The following TBCK variants were observed in gnomAD, a reference collection of about 807,000 sequenced individuals.
The protein encoded by TBCK is TBC domain-containing protein kinase-like protein.
Under a neutral mutation model 113.4 loss-of-function variants are expected in TBCK, and 99 were observed. That is an observed-to-expected ratio of 0.87 (90% CI 0.74 to 1.03). The LOEUF (loss-of-function observed/expected upper bound fraction) is 1.03. TBCK is among the 50% of genes least tolerant of loss of function. TBCK has a pLI of 0.00. For synonymous variants in TBCK, 369 were observed against 370.8 expected (o/e 1.00, Z 0.05); for missense variants, 1,045 against 1,061.3 (o/e 0.98, Z 0.21).
chr4:106,314,007 A>T (rs2125908976), intron 1 of TBCK, among the ~76,000 whole-genome samples: 1 of 152,346 alleles, frequency 6.6e-6, no homozygotes, highest in Non-Finnish European at 1.5e-5. Flanking sequence ...ACTCTGGGGA[A>T]AAAAACATAT....
intron 20 of TBCK, among the ~76,000 whole-genome samples, chr4:106,209,242 A>G (rs1294303151): frequency 1.3e-5 from 2 of 151,100 alleles, no homozygotes; most frequent in Admixed American, 1.3e-4. Context: ...ATAAATAAAT[A>G]TATTATGTCA....
intron 2 of TBCK, among the ~76,000 whole-genome samples, chr4:106,302,805 T>A (rs921123035): frequency 6.6e-6 from 1 of 152,204 alleles, no homozygotes; most frequent in Non-Finnish European, 1.5e-5. Flanking sequence ...TATACAGGGA[T>A]TGAAAATATC....
At chr4:106,077,528 A>C (rs961100685) in intron 25 of TBCK, among the ~76,000 whole-genome samples, 9 of 152,214 alleles carry the variant, frequency 5.9e-5, no homozygotes, top group Admixed American at 6.5e-5. Flanking sequence ...CTTATACCAG[A>C]CAAACAAACA....
At chr4:106,113,286 A>G (rs1435303427) in intron 24 of TBCK, among the ~76,000 whole-genome samples, 1 of 152,154 alleles carries the variant, frequency 6.6e-6, no homozygotes, top group East Asian at 1.9e-4. Context: ...TACTCACTCT[A>G]TCCTTAAAAA....
At chr4:106,248,821 A>G (rs955775068) in intron 8 of TBCK, 100 bp downstream of exon 8, 12 of 944,448 alleles carry the variant, frequency 1.3e-5, no homozygotes, top group African/African-American at 6.8e-5. Flanking sequence ...CCTAGTTTCA[A>G]TAACTGTGGA....
intron 25 of TBCK, among the ~76,000 whole-genome samples, chr4:106,049,566 C>T (rs1345629150): frequency 6.6e-6 from 1 of 151,988 alleles, no homozygotes; most frequent in Non-Finnish European, 1.5e-5. Context: ...AAATAAGTCA[C>T]ATCATACATG....
At position 106,254,269 on chromosome 4, in the gene TBCK, G is replaced by T. The variant is rs141174182; in HGVS notation, c.456-2262C>A. On this transcript the variant is annotated intron_variant, in intron 5 of 25. Coordinates refer to ENST00000394708, the MANE Select transcript of TBCK (RefSeq NM_001163435.3). ...ACCACTTTGGTTGTTTACAAGCACA[G>T]TAAACTAGCCTCAGCAGTTAGGCAT... Among the ~76,000 whole-genome samples the T allele has an allele frequency of 4.0e-3, 613 of 152,328 alleles. 1 individual carries two copies. The highest frequency in any genetic ancestry group is 7.0e-3 in the Non-Finnish European group (475 of 68,018).
chr4:106,170,369 A>G (rs559128465), intron 23 of TBCK, among the ~76,000 whole-genome samples: 2 of 152,168 alleles, frequency 1.3e-5, no homozygotes, highest in African/African-American at 4.8e-5. Flanking sequence ...TATCATCTGT[A>G]TATCTAGAGG....
chr4:106,285,922 A>G (rs1169595518), intron 3 of TBCK, among the ~76,000 whole-genome samples: 1 of 152,240 alleles, frequency 6.6e-6, no homozygotes, highest in Non-Finnish European at 1.5e-5. Flanking sequence ...AACTCTACAC[A>G]TATACCTGCT....
At chr4:106,218,703 T>C (rs1348913579) in intron 19 of TBCK, among the ~76,000 whole-genome samples, 1 of 117,702 alleles carries the variant, frequency 8.5e-6, no homozygotes, top group Non-Finnish European at 1.9e-5. Flanking sequence ...TGGCGATCAT[T>C]AAAAAGTCAG....
intron 23 of TBCK, among the ~76,000 whole-genome samples, chr4:106,165,180 G>A (rs1424907062): frequency 4.6e-5 from 7 of 151,602 alleles, no homozygotes; most frequent in Admixed American, 2.0e-4. Flanking sequence ...AATACATTCC[G>A]TTCAAAAACA....
chr4:106,216,634 C>T (rs1384043549), intron 19 of TBCK, among the ~76,000 whole-genome samples: 1 of 152,150 alleles, frequency 6.6e-6, no homozygotes, highest in Non-Finnish European at 1.5e-5. Context: ...GGGTAAATTC[C>T]TTGACACATA....
intron 23 of TBCK, among the ~76,000 whole-genome samples, chr4:106,164,239 G>C (rs1434545005): frequency 6.6e-6 from 1 of 151,878 alleles, no homozygotes; most frequent in Non-Finnish European, 1.5e-5. Flanking sequence ...CCAGTAAAAA[G>C]AACAGATGCA....
intron 23 of TBCK, among the ~76,000 whole-genome samples, chr4:106,146,566 T>C (rs959803169): frequency 2.0e-5 from 3 of 152,180 alleles, no homozygotes; most frequent in Non-Finnish European, 4.4e-5. Flanking sequence ...TAACAAATCT[T>C]CACATGTATC....
At chr4:106,168,166 C>A (rs1297816528) in intron 23 of TBCK, among the ~76,000 whole-genome samples, 1 of 151,666 alleles carries the variant, frequency 6.6e-6, no homozygotes, top group Non-Finnish European at 1.5e-5. Flanking sequence ...AGAATTTATC[C>A]CAGGCATGCA....
intron 23 of TBCK, among the ~76,000 whole-genome samples, chr4:106,120,398 C>T (rs28790932): frequency 0.23 from 34,861 of 151,706 alleles, 4,029 homozygotes; most frequent in South Asian, 0.27. Flanking sequence ...GAGGGGCGCC[C>T]ACCATTGCCC....
At chr4:106,128,547 T>A (rs1215124772) in intron 23 of TBCK, among the ~76,000 whole-genome samples, 1 of 152,144 alleles carries the variant, frequency 6.6e-6, no homozygotes, top group Non-Finnish European at 1.5e-5. Context: ...AAAGCTTACA[T>A]TCATGATATC....
chr4:106,270,777 T>C (rs1197688000), intron 3 of TBCK, among the ~76,000 whole-genome samples: 2 of 152,194 alleles, frequency 1.3e-5, no homozygotes, highest in African/African-American at 4.8e-5. Flanking sequence ...GACAGCATAT[T>C]GTAAACAAAA....
intron 24 of TBCK, among the ~76,000 whole-genome samples, chr4:106,105,454 G>C (rs1422496349): frequency 6.6e-6 from 1 of 152,212 alleles, no homozygotes; most frequent in Non-Finnish European, 1.5e-5. Context: ...GGCAGCCCAG[G>C]AGTGCCAAGT....
Sources: allele counts gnomAD v4.1 joint callset (sites outside exome capture counted in the v4.1 genomes callset), GRCh38; gene constraint gnomAD v4.1.1; transcripts MANE v1.5; gene names NCBI Gene and HGNC (gene_info 2026-07-23, HGNC 2026-07-21).